The following PRKCB variants were observed in gnomAD, a reference collection of about 807,000 sequenced individuals.
PRKCB encodes the protein protein kinase C beta type.
A neutral mutation model predicts 81.5 loss-of-function variants in PRKCB; 13 were observed. The observed-to-expected ratio is 0.16, with a 90% CI of 0.10 to 0.25. The LOEUF is 0.25. PRKCB is among the 10% of genes least tolerant of loss of function. The pLI is 1.00. For synonymous variants in PRKCB, 335 were observed against 321.4 expected, an observed-to-expected ratio of 1.04 and a Z score of -0.45; for missense variants, 509 against 875.7, an observed-to-expected ratio of 0.58 and a Z score of 5.29.
chr16:24,063,067 C>T (rs1232302410), intron 5 of PRKCB, among the ~76,000 whole-genome samples: 3 of 152,030 alleles, frequency 2.0e-5, no homozygotes, highest in Non-Finnish European at 4.4e-5. Context: ...CAGAAGGCCC[C>T]TTCTCTGTGT....
intron 2 of PRKCB, among the ~76,000 whole-genome samples, chr16:23,933,292 A>C (rs886432668): frequency 6.6e-6 from 1 of 152,174 alleles, no homozygotes; most frequent in African/African-American, 2.4e-5. Flanking sequence ...ACAGGTGCCT[A>C]GATTTGTAGC....
At chr16:23,863,125 CAT>C (rs1223525249) in intron 2 of PRKCB, among the ~76,000 whole-genome samples, 1 of 144,882 alleles carries the variant, frequency 6.9e-6, no homozygotes, top group Non-Finnish European at 1.5e-5. Flanking sequence ...ATCATATAAT[CAT>C]ATATATGCAT....
At chr16:24,135,028 A>G (rs1212664534) in intron 9 of PRKCB, among the ~76,000 whole-genome samples, 1 of 152,156 alleles carries the variant, frequency 6.6e-6, no homozygotes, top group African/African-American at 2.4e-5. Flanking sequence ...TATTAATATT[A>G]CATATTAAAA....
In PRKCB at chr16:24,172,282, T is replaced by A; in HGVS notation, c.1252T>A (p.Phe418Ile). 6.2e-7 allele frequency: 1 copy of A among 1,613,958 alleles called. No homozygotes were observed. The highest frequency in any genetic ancestry group is 8.5e-7 in the Non-Finnish European group (1 of 1,179,922). ...SCFQTMDRLY[F>I]VMEYVNGGDL... ...TGTCCTCTTCCAGGACCGCCTGTAC[T>A]TTGTGATGGAGTACGTGAATGGGGG... The change falls in exon 11 of 17, where the codon TTT (phenylalanine) becomes ATT (isoleucine). Residue 418 changes from phenylalanine to isoleucine, a missense_variant. Physicochemically the swap from Phe to Ile is conservative, Grantham distance 21. This residue lies in a region of PRKCB where 106 missense variants were observed against 214.0 expected (regional missense o/e 0.50). Transcript: ENST00000643927.
chr16:23,866,935 T>C (rs1338214890), intron 2 of PRKCB, among the ~76,000 whole-genome samples: 4 of 150,716 alleles, frequency 2.7e-5, no homozygotes, highest in Non-Finnish European at 4.4e-5. Context: ...TCTCTTCCCT[T>C]CCCTTCCCCT....
At chr16:23,873,189 C>A (rs28502156) in intron 2 of PRKCB, among the ~76,000 whole-genome samples, 38,553 of 65,658 alleles carry the variant, frequency 0.59, 9,588 homozygotes, top group East Asian at 0.64. Flanking sequence ...CACACACACA[C>A]AAAAAAAAAA....
At chr16:23,853,068 C>T (rs1043834385) in intron 2 of PRKCB, among the ~76,000 whole-genome samples, 9 of 152,324 alleles carry the variant, frequency 5.9e-5, no homozygotes, top group South Asian at 2.1e-4. Context: ...CGGTTCCAGA[C>T]TGTTCAACAA....
intron 3 of PRKCB, among the ~76,000 whole-genome samples, chr16:24,019,923 A>AC (rs749057302): frequency 3.3e-5 from 5 of 152,142 alleles, no homozygotes. Context: ...ATCTTATGCT[A>AC]CCCTAAACAG....
At position 23,836,289 on chromosome 16, in the gene PRKCB, A is replaced by G. The variant is rs755247718; in HGVS notation, c.114A>G (p.Lys38=). The part of the protein sequence containing the change: ...QKNVHEVKNH[K]FTARFFKQPT... ...ACGTGCATGAGGTCAAGAACCACAA[A>G]TTCACCGCCCGCTTCTTCAAGCAGC... The change falls in exon 1 of 17, where the codon AAA becomes AAG. Residue 38 remains lysine (K), a synonymous_variant. Transcript: ENST00000643927. The G allele has an allele frequency of 1.1e-5, 17 of 1,605,044 alleles. No individual in the cohort carries two copies. The highest frequency in any genetic ancestry group is 1.4e-5 in the Non-Finnish European group (16 of 1,176,054).
At chr16:23,858,262 C>G (rs549715621) in intron 2 of PRKCB, among the ~76,000 whole-genome samples, 61 of 152,314 alleles carry the variant, frequency 4.0e-4, no homozygotes, top group Admixed American at 9.2e-4. Context: ...AAAACATTTG[C>G]TTAAGTAACT....
chr16:23,866,812 C>T (rs1212826257), intron 2 of PRKCB, among the ~76,000 whole-genome samples: 1 of 152,206 alleles, frequency 6.6e-6, no homozygotes, highest in African/African-American at 2.4e-5. Flanking sequence ...GTTTCCGTCT[C>T]ACTGCATCTT....
chr16:24,151,727 T>G (rs1967082106), intron 9 of PRKCB: 1 of 447,582 alleles, frequency 2.2e-6, no homozygotes, highest in South Asian at 1.6e-5. Flanking sequence ...TGGAATTGTT[T>G]GGCTTTCAAG....
intron 2 of PRKCB, among the ~76,000 whole-genome samples, chr16:23,968,720 A>T (rs909290608): frequency 3.3e-5 from 5 of 152,192 alleles, no homozygotes; most frequent in African/African-American, 1.2e-4. Context: ...ACAAGGAACA[A>T]GCAGCACGTA....
At chr16:24,207,454 C>T (rs1968063094) in intron 16 of PRKCB, among the ~76,000 whole-genome samples, 1 of 152,028 alleles carries the variant, frequency 6.6e-6, no homozygotes, top group Non-Finnish European at 1.5e-5. Flanking sequence ...CTCCATAAGC[C>T]TGTGTATAAA....
rs115418605 is a variant in PRKCB at position 24,070,857 on chromosome 16, A to T, written c.530-21934A>T. 2.5e-3 allele frequency among the ~76,000 whole-genome samples: 380 copies of T among 152,348 alleles called. 3 individuals are homozygous for T. Among genetic ancestry groups the T allele is most frequent in the African/African-American group, 8.7e-3 (361 of 41,572 alleles). ...GGAGCTCTATTTAATATAGCAGAACAAGTAAAGCAAGTACATATCTCTCTA... is the reference window on the plus strand; with the variant it reads ...GGAGCTCTATTTAATATAGCAGAACTAGTAAAGCAAGTACATATCTCTCTA... On this transcript the variant is annotated intron_variant, in intron 5 of 16. Transcript: ENST00000643927.
At chr16:23,998,105 G>T (rs532485058) in intron 3 of PRKCB, among the ~76,000 whole-genome samples, 19 of 152,184 alleles carry the variant, frequency 1.2e-4, no homozygotes, top group Non-Finnish European at 2.4e-4. Flanking sequence ...AAAAGGCAGA[G>T]GAAGGGTAAA....
At chr16:23,890,257 C>T (rs1452661723) in intron 2 of PRKCB, among the ~76,000 whole-genome samples, 4 of 152,134 alleles carry the variant, frequency 2.6e-5, no homozygotes, top group Admixed American at 6.5e-5. Context: ...TGAGATAGAC[C>T]TCACTGCCTC....
chr16:24,087,375 G>A lies in PRKCB; in HGVS notation c.530-5416G>A, dbSNP rs548244970. ...AATGTTATCGGCATGGGCAAAGTGC[G>A]TCACAGTATGAATGCGCCATATATT... On this transcript the variant is annotated intron_variant, in intron 5 of 16. Coordinates refer to ENST00000643927, the MANE Select transcript of PRKCB (RefSeq NM_002738.7). Among the ~76,000 whole-genome samples the A allele has an allele frequency of 6.6e-5, 10 of 152,266 alleles. 1 individual carries two copies. Among genetic ancestry groups the A allele is most frequent in the East Asian group, 3.9e-4 (2 of 5,180 alleles).
At chr16:23,951,097 C>T (rs1248328916) in intron 2 of PRKCB, among the ~76,000 whole-genome samples, 4 of 152,146 alleles carry the variant, frequency 2.6e-5, no homozygotes, top group Admixed American at 2.6e-4. Context: ...CATTACTTTT[C>T]CTGTTTGACT....
Sources: gnomAD v4.1 joint callset for allele counts (sites outside exome capture counted in the v4.1 genomes callset) on GRCh38, gnomAD v4.1.1 for gene constraint, gnomAD v4.1.1 regional missense constraint, MANE v1.5 for transcripts, NCBI Gene and HGNC (gene_info 2026-07-23, HGNC 2026-07-21) for gene names.